Variants in SPACA6 observed in about 807,000 individuals in gnomAD.
SPACA6 encodes sperm acrosome associated 6, also known as sperm acrosome membrane-associated protein 6.
For missense variants in SPACA6, 8 were observed against 2.8 expected, an observed-to-expected ratio of 2.88 and a Z score of -1.34; for synonymous variants, 6 against 1.5, an observed-to-expected ratio of 4.05 and a Z score of -2.21.
downstream of SPACA6, among the ~76,000 whole-genome samples, chr19:51,706,225 A>C (rs1014091487): frequency 2.6e-5 from 4 of 152,040 alleles, no homozygotes; most frequent in Admixed American, 6.5e-5. Flanking sequence ...CGCATTCATC[A>C]TGATACTTCT....
upstream of SPACA6, chr19:51,692,636 T>C (rs1480721720): frequency 1.9e-6 from 1 of 531,510 alleles, no homozygotes; most frequent in Non-Finnish European, 3.9e-6. This position sits in a 1 kb window ranked among gnomAD's most constrained non-coding sequence, Gnocchi z 5.6. Context: ...GAACCGACCT[T>C]GCGGGGCCTT....
intron 2 of SPACA6, among the ~76,000 whole-genome samples, chr19:51,711,254 T>C (rs1034463842): frequency 2.0e-5 from 3 of 152,182 alleles, no homozygotes; most frequent in African/African-American, 7.2e-5. Context: ...GGGGAAAGCA[T>C]GACCATCTGA....
chr19:51,711,311 A>C (rs888462321), intron 2 of SPACA6, among the ~76,000 whole-genome samples: 5 of 152,200 alleles, frequency 3.3e-5, no homozygotes, highest in East Asian at 1.9e-4. Context: ...ATTAGTCATT[A>C]GAGAAGGGCA....
intron 8 of SPACA6, 146 bp from the exon 9 acceptor site, chr19:51,704,944 A>G (rs1325665304): frequency 1.0e-5 from 3 of 295,330 alleles, no homozygotes; most frequent in Non-Finnish European, 1.7e-5. Flanking sequence ...CTTCAGACCC[A>G]AAAGCCCAGG....
In SPACA6 at chr19:51,704,153, CGCCCCCT is replaced by C; in HGVS notation, c.699_705del (p.Leu235GlyfsTer8). On this transcript the variant is annotated frameshift_variant, in exon 7 of 9. Coordinates refer to ENST00000637797, the MANE Select transcript of SPACA6 (RefSeq NM_001316972.2). LOFTEE classifies it high-confidence loss of function. The stretch of plus-strand genomic sequence containing the variant: ...CTCCTGCGTGATCAAGCAAGACCAG[CGCCCCCT>C]GGCCCGGCTCTACTTCTTTCTTAAC... 1 of 401,148 alleles carries C rather than the reference CGCCCCCT, an allele frequency of 2.5e-6. No individual in the cohort carries two copies. The highest frequency in any genetic ancestry group is 4.4e-6 in the Non-Finnish European group (1 of 226,188). The allele number at this position is 401,148 out of a possible 1,614,324, so 24.8% of individuals were successfully genotyped here.
upstream of SPACA6, chr19:51,692,686 G>A (rs778987576): frequency 1.1e-5 from 6 of 533,202 alleles, no homozygotes; most frequent in East Asian, 5.4e-5. The surrounding 1 kb of genome is among the most constrained non-coding windows in gnomAD (Gnocchi z 5.6). Context: ...CGTGTCGGGG[G>A]CTCACCATCG....
chr19:51,711,181 A>C (rs1173137802), intron 2 of SPACA6, among the ~76,000 whole-genome samples: 2 of 152,238 alleles, frequency 1.3e-5, no homozygotes, highest in African/African-American at 2.4e-5. Context: ...AGAATTGGCT[A>C]TTGGTTTTAG....
At chr19:51,692,526 A>C, upstream of SPACA6, 1 of 453,498 alleles carries the variant, frequency 2.2e-6, no homozygotes, top group South Asian at 1.7e-5. The surrounding 1 kb of genome is among the most constrained non-coding windows in gnomAD (Gnocchi z 5.6). Flanking sequence ...CCTTGACTCC[A>C]GGGTCCCTGA....
At chr19:51,693,169 C>T, upstream of SPACA6, 1 of 477,268 alleles carries the variant, frequency 2.1e-6, no homozygotes, top group Non-Finnish European at 4.2e-6. Context: ...TTTGGTCTTT[C>T]TGTCTCTGGC....
At chr19:51,689,149 C>T (rs187784231), upstream of SPACA6, 2 of 151,532 alleles carry the variant, frequency 1.3e-5, no homozygotes, top group African/African-American at 2.4e-5. Context: ...TTGTCCCTTC[C>T]CTCCTCTGCG....
upstream of SPACA6, chr19:51,693,226 G>GGGTCTACC (rs761707643): frequency 1.3e-5 from 8 of 628,146 alleles, no homozygotes; most frequent in South Asian, 1.1e-4. Context: ...CCCCACCCCA[G>GGGTCTACC]GGTCTACCGG....
downstream of SPACA6, among the ~76,000 whole-genome samples, chr19:51,705,563 A>G (rs1184734986): frequency 6.6e-6 from 1 of 151,650 alleles, no homozygotes; most frequent in Non-Finnish European, 1.5e-5. Flanking sequence ...ACTCCTAAAT[A>G]TCTCATGAAG....
intron 2 of SPACA6, among the ~76,000 whole-genome samples, chr19:51,696,564 C>A (rs1052537223): frequency 3.3e-5 from 5 of 152,124 alleles, no homozygotes; most frequent in African/African-American, 1.2e-4. Flanking sequence ...CTTCCTGCCT[C>A]AGCCTCCCAA....
Position 51,704,392 on chromosome 19 carries a change from G to C in SPACA6, c.853G>C (p.Ala285Pro). The change falls in exon 8 of 9, where the codon GCC becomes CCC. Residue 285 changes from alanine to proline, a missense_variant. Coordinates refer to ENST00000637797, the MANE Select transcript of SPACA6 (RefSeq NM_001316972.2). ...GAGGCCCAGCCTGGGCGAGCTGCTG[G>C]CCAGGCCCGAGGCTCTGACGCCCAG... ...PWRPSLGELL[A>P]RPEALTPSNL... 1 of 401,182 alleles carries C rather than the reference G, an allele frequency of 2.5e-6. No individual in the cohort carries two copies. Among genetic ancestry groups the C allele is most frequent in the Non-Finnish European group, 4.4e-6 (1 of 226,274 alleles). The allele number at this position is 401,182 out of a possible 1,614,324, so 24.9% of individuals were successfully genotyped here.
At chr19:51,698,287 T>C (rs1250356976) in intron 2 of SPACA6, among the ~76,000 whole-genome samples, 1 of 152,118 alleles carries the variant, frequency 6.6e-6, no homozygotes, top group South Asian at 2.1e-4. Context: ...CCTGACGATA[T>C]GCAACTCCTC....
chr19:51,687,258 A>AATACATACATAC (rs34885908), upstream of SPACA6: 131 of 147,300 alleles, frequency 8.9e-4, no homozygotes, highest in Non-Finnish European at 9.9e-4. Context: ...CTCAAAAATA[A>AATACATACATAC]ATACATACAT....
rs969462026 is a variant in SPACA6, at chr19:51,693,544, G to T, written c.18G>T (p.Leu6=). The T allele has an allele frequency of 2.1e-6, 1 of 478,766 alleles. No individual in the cohort carries two copies. Among genetic ancestry groups the T allele is most frequent in the Non-Finnish European group, 3.8e-6 (1 of 262,060 alleles). The allele number at this position is 478,766 out of a possible 1,614,324, so 29.7% of individuals were successfully genotyped here. The change falls in exon 1 of 9, where the codon CTG becomes CTT. Residue 6 remains leucine, a synonymous_variant. Transcript: ENST00000637797. ...CCCACACGATGGCCCTGCTGGCTCT[G>T]GCCAGTGCCGTCCCGTCTGCCCTGC... MALLA[L]ASAVPSALLA...
intron 2 of SPACA6, among the ~76,000 whole-genome samples, chr19:51,700,792 C>T (rs567616149): frequency 5.3e-5 from 8 of 151,980 alleles, no homozygotes; most frequent in South Asian, 2.1e-4. Context: ...GAAATGATTG[C>T]GATGAGAGAC....
At chr19:51,692,754 C>CT (rs1380609080), upstream of SPACA6, 1 of 534,376 alleles carries the variant, frequency 1.9e-6, no homozygotes, top group Non-Finnish European at 3.8e-6. This position sits in a 1 kb window ranked among gnomAD's most constrained non-coding sequence, Gnocchi z 5.6. Flanking sequence ...CCCTGTCTGT[C>CT]TGTCTGTCGG....
Sources: gnomAD v4.1 joint callset for allele counts (sites outside exome capture counted in the v4.1 genomes callset) on GRCh38, gnomAD v4.1.1 for gene constraint, Gnocchi (gnomAD v3.1) non-coding constraint, MANE v1.5 for transcripts, NCBI Gene and HGNC (gene_info 2026-07-23, HGNC 2026-07-21) for gene names.